CELF2: variants seen among roughly 807,000 people sequenced by gnomAD.
The protein encoded by CELF2 is CUGBP Elav-like family member 2.
In CELF2, 8 loss-of-function variants were observed where a neutral mutation model predicts 62.6. The ratio of observed to expected loss-of-function variants is 0.13; its 90% CI spans 0.07 to 0.23. CELF2 has a LOEUF of 0.23. CELF2 is among the 10% of genes least tolerant of loss of function. CELF2 has a pLI of 1.00. For missense variants in CELF2, 333 were observed against 671.0 expected (o/e 0.50, Z 5.56); for synonymous variants, 258 against 250.0 (o/e 1.03, Z -0.30).
At chr10:11,266,847 C>G (rs1259470341) in intron 6 of CELF2, among the ~76,000 whole-genome samples, 170 bp downstream of exon 6, 1 of 152,156 alleles carries the variant, frequency 6.6e-6, no homozygotes, top group African/African-American at 2.4e-5. Flanking sequence ...CTCTCTCTTT[C>G]TCTATGCATT....
rs11301213 is a variant in CELF2, at chr10:11,190,775, T to TAAAAAAA, written c.271+25115_271+25121dup. 3.1e-3 allele frequency among the ~76,000 whole-genome samples: 168 copies of TAAAAAAA among 53,986 alleles called. 2 individuals are homozygous for TAAAAAAA. The highest frequency in any genetic ancestry group is 7.8e-3 in the African/African-American group (100 of 12,806). 35.4% of individuals were successfully genotyped at this position (53,986 alleles called of 152,430 possible). A position where few individuals can be genotyped will look rare whatever the true frequency, so the allele number is the denominator to read the frequency against. The stretch of plus-strand genomic sequence containing the variant: ...GGCTGGGTTTTGTATCTCTTTTCTT[T>TAAAAAAA]AAAAAAAAAAAAAAAAAAAAAAAAA... On this transcript the variant is annotated intron_variant, in intron 2 of 12. Transcript: ENST00000633077.
chr10:11,231,993 A>G (rs1448942192), intron 3 of CELF2, among the ~76,000 whole-genome samples: 5 of 152,144 alleles, frequency 3.3e-5, no homozygotes, highest in African/African-American at 9.7e-5. Flanking sequence ...CCACCGCCCC[A>G]TCTTTTTTTT....
chr10:11,013,620 A>T (rs1353371967), upstream of CELF2, among the ~76,000 whole-genome samples: 1 of 152,202 alleles, frequency 6.6e-6, no homozygotes, highest in Non-Finnish European at 1.5e-5. This position sits in a 1 kb window ranked among gnomAD's most constrained non-coding sequence, Gnocchi z 4.1. Flanking sequence ...AGCTATTCTC[A>T]AGCAATGGTG....
the CELF2 span, among the ~76,000 whole-genome samples, chr10:10,660,002 A>C: frequency 6.6e-6 from 1 of 152,190 alleles, no homozygotes. Context: ...TGACAATAGA[A>C]GTTCAGAGAG....
rs1484555817 is a variant in CELF2 at position 10,993,163 on chromosome 10, TGAGC to T, written c.89+73165_89+73168del. ...GTCAGCAGATCAGTAATAAGGTGTA[TGAGC>T]TACAAAATAACTGTTGCTTCCCTTC... On this transcript the variant is annotated intron_variant, in intron 2 of 13. Coordinates refer to the CELF2 transcript ENST00000636488. The surrounding 1 kb of genome is among the most constrained non-coding windows in gnomAD (Gnocchi z 5.3). Among the ~76,000 whole-genome samples the T allele has an allele frequency of 4.1e-4, 62 of 152,232 alleles. No individual in the cohort carries two copies. The highest frequency in any genetic ancestry group is 3.4e-3 in the Middle Eastern group (1 of 294).
intron 8 of CELF2, among the ~76,000 whole-genome samples, chr10:11,281,753 A>G (rs563942093): frequency 1.5e-4 from 23 of 152,324 alleles, no homozygotes; most frequent in East Asian, 3.9e-4. Flanking sequence ...CAAAAAATAT[A>G]TATGTATGTT....
chr10:10,663,595 G>T, the CELF2 span, among the ~76,000 whole-genome samples: 1 of 152,192 alleles, frequency 6.6e-6, no homozygotes. Context: ...ATAATGCTCA[G>T]AAGAGAGAGT....
At chr10:11,261,154 G>A (rs1316685949) in intron 5 of CELF2, among the ~76,000 whole-genome samples, 1 of 152,212 alleles carries the variant, frequency 6.6e-6, no homozygotes, top group Admixed American at 6.5e-5. Flanking sequence ...GCAGCTGAGC[G>A]GTTCACTTTT....
chr10:11,179,571 G>T (rs187804402), intron 2 of CELF2, among the ~76,000 whole-genome samples: 2 of 152,338 alleles, frequency 1.3e-5, no homozygotes, highest in Non-Finnish European at 2.9e-5. Context: ...GTGGAGCAGA[G>T]ACATGCTTGT....
At chr10:10,720,954 A>T in the CELF2 span, among the ~76,000 whole-genome samples, 1 of 152,354 alleles carries the variant, frequency 6.6e-6, no homozygotes, top group Admixed American at 6.5e-5. Context: ...TATCATTTAA[A>T]ACCCACTGGA....
rs377371753 is a variant in CELF2 at position 11,283,678 on chromosome 10, T to TGATG, written c.842-4726_842-4723dup. On this transcript the variant is annotated intron_variant, in intron 8 of 12. Transcript: ENST00000633077. ...GATGGGTGGATAATGGGTGGGTGGA[T>TGATG]GATGGATGGATGGATGGGTGGGTCA... is the stretch of plus-strand genomic sequence containing the variant. Among the ~76,000 whole-genome samples, 23 of 150,488 alleles carry TGATG rather than the reference T, an allele frequency of 1.5e-4. No individual in the cohort carries two copies. In the East Asian group the frequency reaches 2.2e-3, roughly 14 times the overall value.
At chr10:10,641,790 T>C in the CELF2 span, among the ~76,000 whole-genome samples, 4 of 152,302 alleles carry the variant, frequency 2.6e-5, no homozygotes, top group South Asian at 2.1e-4. Context: ...CTAATTCAGT[T>C]TGCTCTTGTG....
the CELF2 span, among the ~76,000 whole-genome samples, chr10:10,763,394 C>G: frequency 6.6e-6 from 1 of 152,070 alleles, no homozygotes; most frequent in South Asian, 2.1e-4. Flanking sequence ...AATTGAGATC[C>G]CTACGTATGT....
the CELF2 span, among the ~76,000 whole-genome samples, chr10:10,566,716 A>G: frequency 2.0e-5 from 3 of 152,004 alleles, no homozygotes; most frequent in Non-Finnish European, 4.4e-5. Context: ...TCAGGTTGCC[A>G]TCTTTTGTTC....
At chr10:11,056,819 GA>G (rs1178519607) in intron 1 of CELF2, among the ~76,000 whole-genome samples, 1 of 152,172 alleles carries the variant, frequency 6.6e-6, no homozygotes, top group Non-Finnish European at 1.5e-5. Flanking sequence ...ATCAAAGTCT[GA>G]AAATGTGTCC....
intron 2 of CELF2, among the ~76,000 whole-genome samples, chr10:10,932,454 G>A (rs2066174268): frequency 6.6e-6 from 1 of 152,068 alleles, no homozygotes; most frequent in South Asian, 2.1e-4. Flanking sequence ...TTAATTATTT[G>A]ATTTAATCAT....
intron 1 of CELF2, among the ~76,000 whole-genome samples, chr10:10,882,944 G>A (rs1410398705): frequency 6.6e-6 from 1 of 152,044 alleles, no homozygotes; most frequent in African/African-American, 2.4e-5. Context: ...CTTTCCCCTG[G>A]TTTATAAGCT....
intron 2 of CELF2, among the ~76,000 whole-genome samples, chr10:10,925,410 A>G (rs763613519): frequency 5.3e-5 from 8 of 151,888 alleles, no homozygotes; most frequent in Non-Finnish European, 1.2e-4. Context: ...AGTATATGCC[A>G]AGCATGGTTG....
chr10:11,286,659 G>T (rs917499121), intron 8 of CELF2, among the ~76,000 whole-genome samples: 6 of 152,308 alleles, frequency 3.9e-5, no homozygotes, highest in Admixed American at 1.3e-4. Context: ...CAACACCCAC[G>T]TTCTCATGAA....
Sources: gnomAD v4.1 joint callset for allele counts (sites outside exome capture counted in the v4.1 genomes callset) on GRCh38, gnomAD v4.1.1 for gene constraint, Gnocchi (gnomAD v3.1) non-coding constraint, MANE v1.5 for transcripts, NCBI Gene and HGNC (gene_info 2026-07-23, HGNC 2026-07-21) for gene names.